PTGDR: variants seen among roughly 807,000 people sequenced by gnomAD.
PTGDR encodes the protein PGD2 receptor.
In PTGDR, 19 loss-of-function variants were observed where a neutral mutation model predicts 17.4. That is an observed-to-expected ratio of 1.09 (90% CI 0.76 to 1.60). PTGDR has a LOEUF of 1.60. PTGDR is among the 40% of genes most tolerant of loss of function. The probability of loss-of-function intolerance (pLI) is 0.00; values close to 1 mark genes in which losing one functional copy is unlikely to be tolerated. For synonymous variants in PTGDR, 267 were observed against 224.2 expected (o/e 1.19, Z -1.71); for missense variants, 526 against 481.9 (o/e 1.09, Z -0.86).
intron 1 of PTGDR, among the ~76,000 whole-genome samples, chr14:52,270,342 T>C (rs1455862523): frequency 6.6e-6 from 1 of 152,090 alleles, no homozygotes; most frequent in Non-Finnish European, 1.5e-5. Context: ...GGTCAAGAGA[T>C]CGAGACCATC....
At position 52,276,504 on chromosome 14, in the gene PTGDR, C is replaced by A. The variant is rs2140011286; in HGVS notation, c.*1540C>A. 6.6e-6 allele frequency: 1 copy of A among 152,032 alleles called. No individual in the cohort carries two copies. Among genetic ancestry groups the A allele is most frequent in the East Asian group, 1.9e-4 (1 of 5,202 alleles). 9.4% of individuals were successfully genotyped at this position (152,032 alleles called of 1,614,324 possible). A position where few individuals can be genotyped will look rare whatever the true frequency, so the allele number is the denominator to read the frequency against. On this transcript the variant is annotated 3_prime_UTR_variant, in exon 2 of 2. Coordinates refer to ENST00000306051, the MANE Select transcript of PTGDR (RefSeq NM_000953.3). ...AAAACTGTGAAAAAGCCAAATTAGG[C>A]ATACAAGGAGTATGATTTAACAGTA... is the stretch of plus-strand genomic sequence containing the variant.
rs2140010586 is a variant in PTGDR at position 52,276,000 on chromosome 14, G to A, written c.*1036G>A. 1 of 152,716 alleles carries A rather than the reference G, an allele frequency of 6.5e-6. No individual in the cohort carries two copies. Among genetic ancestry groups the A allele is most frequent in the Middle Eastern group, 3.4e-3 (1 of 294 alleles). The allele number at this position is 152,716 out of a possible 1,614,324, so 9.5% of individuals were successfully genotyped here. The stretch of plus-strand genomic sequence containing the variant: ...CCGTATTCTGCTGTCCGTGGAGACG[G>A]TAAGATCTTAGGTTCCAAGATTTTA... On this transcript the variant is annotated 3_prime_UTR_variant, in exon 2 of 2. Transcript: ENST00000306051.
At position 52,268,392 on chromosome 14, in the gene PTGDR, C is replaced by T. The variant is rs368223716; in HGVS notation, c.578C>T (p.Ser193Leu). Reference sequence around the variant, plus strand: ...ATCCAGATGGTCCACGAGGAGGGCTCGCTGTCGGTGCTGGGGTACTCTGTG... The same window carrying T: ...ATCCAGATGGTCCACGAGGAGGGCTTGCTGTCGGTGCTGGGGTACTCTGTG... Reference protein sequence around the residue: ...CFIQMVHEEGSLSVLGYSVLY... With the variant: ...CFIQMVHEEGLLSVLGYSVLY... Residue 193 changes from serine to leucine, a missense_variant, in exon 1 of 2, where the codon TCG becomes TTG. Transcript: ENST00000306051. The T allele has an allele frequency of 1.1e-5, 17 of 1,611,842 alleles. No homozygotes were observed. The highest frequency in any genetic ancestry group is 2.7e-5 in the African/African-American group (2 of 74,948).
In PTGDR at chr14:52,275,311, CT is replaced by C. The variant is rs2033404023; in HGVS notation, c.*351del. 1 of 190,246 alleles carries C rather than the reference CT, an allele frequency of 5.3e-6. No individual in the cohort carries two copies. Among genetic ancestry groups the C allele is most frequent in the Non-Finnish European group, 1.1e-5 (1 of 91,658 alleles). 11.8% of individuals were successfully genotyped at this position (190,246 alleles called of 1,614,324 possible). The stretch of plus-strand genomic sequence containing the variant: ...TAGAGAGGCCTTGAGACATACAGGT[CT>C]TTTAAAATACAGTAGAAACACCACT... On this transcript the variant is annotated 3_prime_UTR_variant, in exon 2 of 2. Coordinates refer to ENST00000306051, the MANE Select transcript of PTGDR (RefSeq NM_000953.3).
chr14:52,268,789 C>A, intron 1 of PTGDR, 129 bp downstream of exon 1: 2 of 1,016,832 alleles, frequency 2.0e-6, no homozygotes, highest in Non-Finnish European at 2.9e-6. Context: ...GGAAGGTTTG[C>A]TGCTGAGTTC....
downstream of PTGDR, among the ~76,000 whole-genome samples, chr14:52,278,544 C>T (rs1194922691): frequency 2.0e-5 from 3 of 151,994 alleles, no homozygotes; most frequent in East Asian, 1.9e-4. Context: ...TGCAGCACAC[C>T]AACATGGCAC....
intron 1 of PTGDR, among the ~76,000 whole-genome samples, chr14:52,274,333 C>T (rs2033378280): frequency 6.6e-6 from 1 of 152,154 alleles, no homozygotes; most frequent in South Asian, 2.1e-4. Context: ...GAAAGGAGAA[C>T]TGAAGAAAGT....
intron 1 of PTGDR, 56 bp downstream of exon 1, chr14:52,268,716 G>C (rs997943934): frequency 9.4e-6 from 14 of 1,497,258 alleles, no homozygotes; most frequent in Non-Finnish European, 1.2e-5. Context: ...CCGCGGATGC[G>C]GGGCGGGAAG....
downstream of PTGDR, among the ~76,000 whole-genome samples, chr14:52,280,625 G>A (rs941615309): frequency 6.6e-6 from 1 of 152,206 alleles, no homozygotes; most frequent in Non-Finnish European, 1.5e-5. Context: ...GGACATAGGA[G>A]AGAACTCAGT....
At chr14:52,270,283 C>T (rs759306486) in intron 1 of PTGDR, among the ~76,000 whole-genome samples, 2 of 152,162 alleles carry the variant, frequency 1.3e-5, no homozygotes, top group Non-Finnish European at 2.9e-5. Context: ...AGCGGTGACT[C>T]ACGCCTGTAA....
Position 52,268,282 on chromosome 14 carries a change from G to T in PTGDR, c.468G>T (p.Val156=). ...LRLGALVAPV[V]SAFSLAFCAL... ...TGGGCGCACTGGTGGCCCCGGTGGT[G>T]AGCGCCTTCTCCCTGGCTTTCTGCG... is the stretch of plus-strand genomic sequence containing the variant. The change falls in exon 1 of 2, where the codon GTG becomes GTT. Residue 156 remains valine (V), a synonymous_variant. Coordinates refer to ENST00000306051, the MANE Select transcript of PTGDR (RefSeq NM_000953.3). The T allele has an allele frequency of 6.2e-7, 1 of 1,613,928 alleles. No individual in the cohort carries two copies. Among genetic ancestry groups the T allele is most frequent in the East Asian group, 2.2e-5 (1 of 44,870 alleles).
Position 52,268,056 on chromosome 14 carries a change from C to G in PTGDR, c.242C>G (p.Pro81Arg). 1 of 1,612,784 alleles carries G rather than the reference C, an allele frequency of 6.2e-7. No individual in the cohort carries two copies. Among genetic ancestry groups the G allele is most frequent in the African/African-American group, 1.3e-5 (1 of 75,068 alleles). Residue 81 changes from proline to arginine, a missense_variant, in exon 1 of 2, where the codon CCG becomes CGG. Transcript: ENST00000306051. ...TTGCTGGGCAAGTGCCTCCTAAGCC[C>G]GGTGGTGCTGGCTGCCTACGCTCAG... ...TDLLGKCLLS[P>R]VVLAAYAQNR...
Position 52,268,075 on chromosome 14 carries a change from C to A in PTGDR, c.261C>A (p.Tyr87Ter). The change falls in exon 1 of 2, where the codon TAC becomes TAA. Residue 87 changes from tyrosine to a stop codon, truncating the protein, a stop_gained. Transcript: ENST00000306051. LOFTEE classifies it high-confidence loss of function. ...CLLSPVVLAA[Y>*]AQNRSLRVLA... is the part of the protein sequence containing the mutation. ...TAAGCCCGGTGGTGCTGGCTGCCTA[C>A]GCTCAGAACCGGAGTCTGCGGGTGC... The A allele has an allele frequency of 6.2e-7, 1 of 1,613,472 alleles. No individual in the cohort carries two copies.
At chr14:52,268,806 T>C in intron 1 of PTGDR, 146 bp downstream of exon 1, 2 of 868,532 alleles carry the variant, frequency 2.3e-6, no homozygotes, top group Non-Finnish European at 1.8e-6. Context: ...GTTCCCCAAA[T>C]TGGATTCCTT....
chr14:52,269,122 C>T (rs960663000), intron 1 of PTGDR, among the ~76,000 whole-genome samples: 1 of 152,126 alleles, frequency 6.6e-6, no homozygotes, highest in Admixed American at 6.5e-5. Flanking sequence ...GCGTCTGGGA[C>T]GATCTTCTCC....
chr14:52,270,373 C>T (rs2033302295), intron 1 of PTGDR, among the ~76,000 whole-genome samples: 1 of 152,016 alleles, frequency 6.6e-6, no homozygotes, highest in African/African-American at 2.4e-5. Context: ...TGGTGAAACC[C>T]CGTCTCTAAA....
Position 52,267,721 on chromosome 14 carries a change from C to G in PTGDR, c.-94C>G. 7.0e-7 allele frequency: 1 copy of G among 1,438,424 alleles called. No individual in the cohort carries two copies. Among genetic ancestry groups the G allele is most frequent in the Non-Finnish European group, 9.1e-7 (1 of 1,102,582 alleles). 89.1% of individuals were successfully genotyped at this position (1,438,424 alleles called of 1,614,324 possible). ...CTGTGGCGCAGCTTCTCCGCCCGAG[C>G]CGCGCGCGGAGCTGCCGGGGGCTCC... On this transcript the variant is annotated 5_prime_UTR_variant, in exon 1 of 2. Transcript: ENST00000306051.
intron 1 of PTGDR, among the ~76,000 whole-genome samples, chr14:52,274,097 C>T (rs540668305): frequency 7.2e-5 from 11 of 152,046 alleles, no homozygotes; most frequent in Admixed American, 1.3e-4. Flanking sequence ...AGGATGTCAA[C>T]CATGAAAAAG....
chr14:52,274,103 A>G (rs2033373419), intron 1 of PTGDR, among the ~76,000 whole-genome samples: 1 of 152,210 alleles, frequency 6.6e-6, no homozygotes, highest in Non-Finnish European at 1.5e-5. Context: ...TCAACCATGA[A>G]AAAGTAACAA....
Sources: gnomAD v4.1 joint callset for allele counts (sites outside exome capture counted in the v4.1 genomes callset) on GRCh38, gnomAD v4.1.1 for gene constraint, MANE v1.5 for transcripts, NCBI Gene and HGNC (gene_info 2026-07-23, HGNC 2026-07-21) for gene names.